CSRNP3: variants seen among roughly 807,000 people sequenced by gnomAD.
CSRNP3 encodes the protein cysteine and serine rich nuclear protein 3, also known as cysteine/serine-rich nuclear protein 3.
A neutral mutation model predicts 48.0 loss-of-function variants in CSRNP3; 12 were observed. The ratio of observed to expected loss-of-function variants is 0.25; its 90% confidence interval spans 0.16 to 0.41. CSRNP3 has a LOEUF of 0.41. Among genes scored for constraint, CSRNP3 ranks in the 10% least tolerant of loss-of-function variants. The pLI, the probability that CSRNP3 is intolerant of heterozygous loss-of-function variation, is 1.00. For synonymous variants in CSRNP3, 263 were observed against 269.7 expected (o/e 0.98, Z 0.24); for missense variants, 580 against 724.4 (o/e 0.80, Z 2.29).
chr2:165,646,983 A>G (rs1264467513), intron 4 of CSRNP3, among the ~76,000 whole-genome samples: 1 of 152,096 alleles, frequency 6.6e-6, no homozygotes, highest in African/African-American at 2.4e-5. Flanking sequence ...TTAGTGTTTA[A>G]TTGCACATAT....
chr2:165,641,843 A>G (rs1338970277), intron 4 of CSRNP3, among the ~76,000 whole-genome samples: 3 of 152,192 alleles, frequency 2.0e-5, no homozygotes, highest in African/African-American at 7.2e-5. Flanking sequence ...TCCTGCTTTT[A>G]TAAAATGCAG....
chr2:165,561,393 T>C (rs1685231463), intron 3 of CSRNP3, among the ~76,000 whole-genome samples: 1 of 152,148 alleles, frequency 6.6e-6, no homozygotes, highest in Non-Finnish European at 1.5e-5. Context: ...CCATATGAAA[T>C]TGAGCTCAAA....
chr2:165,584,515 A>G (rs887028624), intron 3 of CSRNP3, among the ~76,000 whole-genome samples: 2 of 152,222 alleles, frequency 1.3e-5, no homozygotes, highest in African/African-American at 2.4e-5. Context: ...ATGATGTCAC[A>G]TAGTACTCAG....
intron 4 of CSRNP3, among the ~76,000 whole-genome samples, chr2:165,626,664 C>T (rs773333069): frequency 2.2e-4 from 33 of 152,206 alleles, no homozygotes; most frequent in Admixed American, 2.0e-3. Context: ...GCTGCTACCT[C>T]GTGTTCTGCC....
chr2:165,655,393 GA>G (rs1399801857), intron 4 of CSRNP3, among the ~76,000 whole-genome samples: 1 of 152,176 alleles, frequency 6.6e-6, no homozygotes, highest in Non-Finnish European at 1.5e-5. Context: ...TAACAATTGG[GA>G]CATGAGTAAT....
intron 4 of CSRNP3, among the ~76,000 whole-genome samples, chr2:165,598,829 C>G (rs890669428): frequency 2.6e-5 from 4 of 151,962 alleles, no homozygotes; most frequent in Non-Finnish European, 5.9e-5. Context: ...TAAAAAGTGC[C>G]CTTTTAATTT....
At position 165,619,993 on chromosome 2, in the gene CSRNP3, C is replaced by T. The variant is rs191233224; in HGVS notation, c.148+24780C>T. 3.0e-4 allele frequency among the ~76,000 whole-genome samples: 46 copies of T among 152,214 alleles called. 1 individual carries two copies. In the South Asian group the frequency reaches 8.1e-3, roughly 27 times the overall value. ...ATCTGAAGTGGACACCCAAAGAAAACGCATTTCTCCTCTTATTCCTAGGGA... is the reference window on the plus strand; with the variant it reads ...ATCTGAAGTGGACACCCAAAGAAAATGCATTTCTCCTCTTATTCCTAGGGA... On this transcript the variant is annotated intron_variant, in intron 4 of 6. Transcript: ENST00000651982.
chr2:165,525,028 C>T (rs1340190385), intron 3 of CSRNP3, among the ~76,000 whole-genome samples: 1 of 152,198 alleles, frequency 6.6e-6, no homozygotes, highest in African/African-American at 2.4e-5. Flanking sequence ...GACAAACCAT[C>T]CTAAATTTCT....
At chr2:165,635,703 A>G (rs909422585) in intron 4 of CSRNP3, among the ~76,000 whole-genome samples, 3 of 152,198 alleles carry the variant, frequency 2.0e-5, no homozygotes, top group Non-Finnish European at 2.9e-5. Flanking sequence ...AGACTTGTTT[A>G]GTCTTTGTGT....
intron 4 of CSRNP3, 34 bp from the exon 5 acceptor site, chr2:165,657,727 C>A (rs1271212775): frequency 6.2e-7 from 1 of 1,604,302 alleles, no homozygotes; most frequent in Non-Finnish European, 8.5e-7. Flanking sequence ...ACTGCTGCCC[C>A]AAGTGTTCAC....
intron 3 of CSRNP3, among the ~76,000 whole-genome samples, chr2:165,578,587 T>C (rs1685490585): frequency 6.6e-6 from 1 of 152,100 alleles, no homozygotes; most frequent in East Asian, 1.9e-4. Flanking sequence ...GAATAGCTTA[T>C]CATTCTGGTC....
chr2:165,543,501 T>C (rs971732125), intron 3 of CSRNP3, among the ~76,000 whole-genome samples: 5 of 152,154 alleles, frequency 3.3e-5, no homozygotes, highest in Non-Finnish European at 7.4e-5. Flanking sequence ...TTCAAATACA[T>C]TGTTTTCTAT....
At chr2:165,593,112 T>C (rs1281952503) in intron 3 of CSRNP3, among the ~76,000 whole-genome samples, 4 of 152,206 alleles carry the variant, frequency 2.6e-5, no homozygotes, top group African/African-American at 4.8e-5. Context: ...AAACCTCTTT[T>C]CTTTATAAAT....
intron 4 of CSRNP3, among the ~76,000 whole-genome samples, chr2:165,608,150 C>T (rs1423854100): frequency 1.3e-5 from 2 of 150,580 alleles, no homozygotes; most frequent in Non-Finnish European, 3.0e-5. Context: ...AAATGAAAAT[C>T]GTGAATTATT....
intron 4 of CSRNP3, among the ~76,000 whole-genome samples, chr2:165,599,955 TA>T (rs1233346422): frequency 1.1e-4 from 17 of 151,050 alleles, no homozygotes; most frequent in Admixed American, 7.3e-4. Flanking sequence ...TATTATACTT[TA>T]AGTTTTAGGG....
chr2:165,542,779 T>C (rs1171005210), intron 3 of CSRNP3, among the ~76,000 whole-genome samples: 1 of 152,200 alleles, frequency 6.6e-6, no homozygotes, highest in African/African-American at 2.4e-5. Context: ...ATTCATCTTG[T>C]ATATTCTACT....
chr2:165,477,483 A>AATATATATATATATATATGAAATAT (rs200408228), intron 1 of CSRNP3, among the ~76,000 whole-genome samples: 1 of 129,676 alleles, frequency 7.7e-6, no homozygotes, highest in African/African-American at 2.8e-5. Flanking sequence ...ATATATATGA[A>AATATATATATATATATATGAAATAT]ATATATATAT....
chr2:165,597,756 C>G (rs1402785359), intron 4 of CSRNP3, among the ~76,000 whole-genome samples: 2 of 151,838 alleles, frequency 1.3e-5, no homozygotes, highest in Non-Finnish European at 2.9e-5. Context: ...ACACACATCT[C>G]CAAAGAAAAT....
At chr2:165,575,362 G>C (rs1024417417) in intron 3 of CSRNP3, among the ~76,000 whole-genome samples, 1 of 151,974 alleles carries the variant, frequency 6.6e-6, no homozygotes, top group Non-Finnish European at 1.5e-5. Flanking sequence ...TATCAATTCA[G>C]CAGTTACAAT....
Sources: allele counts gnomAD v4.1 joint callset (sites outside exome capture counted in the v4.1 genomes callset), GRCh38; gene constraint gnomAD v4.1.1; transcripts MANE v1.5; gene names NCBI Gene and HGNC (gene_info 2026-07-23, HGNC 2026-07-21).